The following GALNTL6 variants were observed in gnomAD, a reference collection of about 807,000 sequenced individuals.
GALNTL6 encodes polypeptide N-acetylgalactosaminyltransferase like 6.
A neutral mutation model predicts 73.7 loss-of-function variants in GALNTL6; 46 were observed. That is an observed-to-expected ratio of 0.62 (90% CI 0.49 to 0.80). The LOEUF is 0.80. GALNTL6 is among the 30% of genes least tolerant of loss of function. The pLI, the probability that GALNTL6 is intolerant of heterozygous loss-of-function variation, is 0.00. For missense variants in GALNTL6, 604 were observed against 755.0 expected, an observed-to-expected ratio of 0.80 and a Z score of 2.34; for synonymous variants, 259 against 263.7, an observed-to-expected ratio of 0.98 and a Z score of 0.17.
chr4:172,742,089 C>T (rs1269374791), intron 5 of GALNTL6, among the ~76,000 whole-genome samples: 1 of 151,720 alleles, frequency 6.6e-6, no homozygotes, highest in Non-Finnish European at 1.5e-5. Flanking sequence ...GTCACAAAAC[C>T]ATTTGATACA....
chr4:172,520,265 C>G (rs1192671633), intron 5 of GALNTL6, among the ~76,000 whole-genome samples: 1 of 151,862 alleles, frequency 6.6e-6, no homozygotes, highest in Non-Finnish European at 1.5e-5. Context: ...CATTATAGGG[C>G]TCTGCTGCAT....
At chr4:173,017,174 G>A (rs1302867629) in intron 11 of GALNTL6, among the ~76,000 whole-genome samples, 1 of 152,176 alleles carries the variant, frequency 6.6e-6, no homozygotes, top group Non-Finnish European at 1.5e-5. Flanking sequence ...TCTTGGGTAT[G>A]TCTTTATTAG....
intron 12 of GALNTL6, among the ~76,000 whole-genome samples, chr4:173,036,318 C>G (rs1753695283): frequency 6.6e-6 from 1 of 152,138 alleles, no homozygotes; most frequent in Non-Finnish European, 1.5e-5. Context: ...TTCTGTAACT[C>G]ACACATTCTT....
intron 5 of GALNTL6, among the ~76,000 whole-genome samples, chr4:172,501,982 A>G (rs1033385519): frequency 5.9e-5 from 9 of 152,170 alleles, no homozygotes; most frequent in Non-Finnish European, 8.8e-5. Context: ...GCAAGCATAC[A>G]TTTCCTACTG....
chr4:172,022,721 T>A (rs1741443977), intron 2 of GALNTL6, among the ~76,000 whole-genome samples: 1 of 151,972 alleles, frequency 6.6e-6, no homozygotes, highest in African/African-American at 2.4e-5. Context: ...CCTCCATTCC[T>A]TGGTGAATGT....
chr4:172,314,306 C>G (rs963449594), intron 4 of GALNTL6, among the ~76,000 whole-genome samples: 2 of 151,974 alleles, frequency 1.3e-5, no homozygotes, highest in Admixed American at 1.3e-4. Flanking sequence ...TCTCAGAGTG[C>G]TAGGAGGGAA....
intron 2 of GALNTL6, among the ~76,000 whole-genome samples, chr4:171,927,816 A>ATGGTTGTC (rs1417026223): frequency 6.6e-6 from 1 of 152,114 alleles, no homozygotes; most frequent in East Asian, 1.9e-4. Context: ...TGATCTTTGC[A>ATGGTTGTC]TGGTTGTCTC....
At chr4:172,185,136 A>G (rs1417463057) in intron 2 of GALNTL6, among the ~76,000 whole-genome samples, 1 of 152,214 alleles carries the variant, frequency 6.6e-6, no homozygotes, top group African/African-American at 2.4e-5. Context: ...CAATTCTTAG[A>G]CTACAGTGCT....
intron 4 of GALNTL6, among the ~76,000 whole-genome samples, chr4:172,337,239 C>T (rs1009764053): frequency 1.3e-5 from 2 of 151,890 alleles, no homozygotes; most frequent in African/African-American, 4.8e-5. Context: ...GCACCCTGTA[C>T]CTTTTAAGTA....
chr4:172,778,111 A>C (rs921857564), intron 5 of GALNTL6, among the ~76,000 whole-genome samples: 1 of 152,286 alleles, frequency 6.6e-6, no homozygotes, highest in Non-Finnish European at 1.5e-5. Context: ...TGTTTCCAAC[A>C]GTAAGTGGCA....
At chr4:172,983,173 G>C (rs1407532616) in intron 10 of GALNTL6, among the ~76,000 whole-genome samples, 1 of 152,096 alleles carries the variant, frequency 6.6e-6, no homozygotes, top group Non-Finnish European at 1.5e-5. Context: ...AGACATTCAG[G>C]GAAGGCAGAG....
At chr4:171,972,100 A>T in intron 2 of GALNTL6, among the ~76,000 whole-genome samples, 1 of 152,160 alleles carries the variant, frequency 6.6e-6, no homozygotes. Flanking sequence ...TGCTTCTGTC[A>T]TGTTTGTTAA....
chr4:172,077,569 G>T (rs546532009), intron 2 of GALNTL6, among the ~76,000 whole-genome samples: 1 of 152,288 alleles, frequency 6.6e-6, no homozygotes, highest in Non-Finnish European at 1.5e-5. Context: ...AAGCATTCAA[G>T]AGGTGACCCA....
intron 5 of GALNTL6, among the ~76,000 whole-genome samples, chr4:172,436,426 T>C (rs985555930): frequency 1.1e-4 from 17 of 152,054 alleles, no homozygotes; most frequent in African/African-American, 3.6e-4. Context: ...TGCACTGTGG[T>C]TCTCCCCAGG....
At chr4:172,790,940 T>C (rs1197299818) in intron 5 of GALNTL6, among the ~76,000 whole-genome samples, 1 of 150,278 alleles carries the variant, frequency 6.7e-6, no homozygotes, top group Non-Finnish European at 1.5e-5. Flanking sequence ...CCACCCGGTC[T>C]TAGGAATAGC....
At chr4:172,070,157 A>G (rs1304970915) in intron 2 of GALNTL6, among the ~76,000 whole-genome samples, 1 of 110,000 alleles carries the variant, frequency 9.1e-6, no homozygotes, top group Non-Finnish European at 2.0e-5. Context: ...TTCTGGCTGG[A>G]ACAAAAAGAT....
rs1038736812 is a variant in GALNTL6 at position 172,056,516 on chromosome 4, C to A, written c.139-173140C>A. Among the ~76,000 whole-genome samples the A allele has an allele frequency of 3.3e-5, 5 of 151,996 alleles. 1 individual carries two copies. The South Asian group carries it at 6.2e-4, about 19-fold the overall frequency. ...TGAATAAAATTATTTGGATCAGAGT[C>A]TATGAACATTTTTAGGACTCAATAT... On this transcript the variant is annotated intron_variant, in intron 2 of 12. Coordinates refer to ENST00000506823, the MANE Select transcript of GALNTL6 (RefSeq NM_001034845.3).
intron 2 of GALNTL6, among the ~76,000 whole-genome samples, chr4:172,010,056 T>C (rs886083154): frequency 6.6e-6 from 1 of 152,128 alleles, no homozygotes; most frequent in African/African-American, 2.4e-5. Flanking sequence ...CCAAATCAAT[T>C]CTGATTCTCT....
chr4:172,998,032 A>G (rs564556847), intron 10 of GALNTL6, among the ~76,000 whole-genome samples: 1 of 152,312 alleles, frequency 6.6e-6, no homozygotes, highest in South Asian at 2.1e-4. Context: ...GCATAATGTA[A>G]GCCAGCTTCT....
Sources: gnomAD v4.1 joint callset for allele counts (sites outside exome capture counted in the v4.1 genomes callset) on GRCh38, gnomAD v4.1.1 for gene constraint, MANE v1.5 for transcripts, NCBI Gene and HGNC (gene_info 2026-07-23, HGNC 2026-07-21) for gene names.